Variants in ZFHX4 observed in about 807,000 individuals in gnomAD.
The protein encoded by ZFHX4 is zinc finger homeobox 4, also known as zinc finger homeobox protein 4.
Under a neutral mutation model 267.6 loss-of-function variants are expected in ZFHX4, and 56 were observed. The observed-to-expected ratio is 0.21, with a 90% CI of 0.17 to 0.26. The LOEUF (loss-of-function observed/expected upper bound fraction) is 0.26. Ranked by LOEUF, ZFHX4 falls within the 10% of genes least tolerant of loss-of-function variation. ZFHX4 has a pLI of 1.00. For synonymous variants in ZFHX4, 1,778 were observed against 1,665.6 expected (o/e 1.07, Z -1.64); for missense variants, 4,332 against 4,420.0 (o/e 0.98, Z 0.56).
At chr8:76,797,020 C>A (rs572923322) in intron 4 of ZFHX4, among the ~76,000 whole-genome samples, 1 of 152,136 alleles carries the variant, frequency 6.6e-6, no homozygotes, top group Non-Finnish European at 1.5e-5. Flanking sequence ...ATATCTAGAA[C>A]TGTTTGATGA....
At chr8:76,708,223 G>A in intron 3 of ZFHX4, 175 bp downstream of exon 3, 1 of 810,544 alleles carries the variant, frequency 1.2e-6, no homozygotes, top group South Asian at 1.8e-5. Flanking sequence ...TGGAATTGAA[G>A]GCTTTATTTA....
chr8:76,745,914 G>A (rs1353006607), intron 3 of ZFHX4, among the ~76,000 whole-genome samples: 1 of 152,186 alleles, frequency 6.6e-6, no homozygotes, highest in Non-Finnish European at 1.5e-5. Flanking sequence ...TGCTCCAAGA[G>A]TTAAAATAAG....
At chr8:76,797,676 C>T (rs1811012258) in intron 4 of ZFHX4, among the ~76,000 whole-genome samples, 1 of 152,160 alleles carries the variant, frequency 6.6e-6, no homozygotes, top group Non-Finnish European at 1.5e-5. Flanking sequence ...TTGGATGTAG[C>T]ATTACCTAAT....
chr8:76,734,563 C>T (rs2131668983), intron 3 of ZFHX4, among the ~76,000 whole-genome samples: 1 of 152,112 alleles, frequency 6.6e-6, no homozygotes, highest in Non-Finnish European at 1.5e-5. Flanking sequence ...CATTAGTCTG[C>T]TTTTGTAACT....
chr8:76,834,171 A>G (rs1293183740), intron 5 of ZFHX4: 1 of 445,850 alleles, frequency 2.2e-6, no homozygotes, highest in Non-Finnish European at 4.5e-6. Context: ...AGTTTTGGCA[A>G]TTACGAATAA....
chr8:76,776,857 G>T (rs1015629297), intron 3 of ZFHX4, among the ~76,000 whole-genome samples: 2 of 152,018 alleles, frequency 1.3e-5, no homozygotes, highest in Admixed American at 6.6e-5. Flanking sequence ...CTGTCTTTTG[G>T]TGTTTGGAAA....
At chr8:76,709,107 T>C (rs553398317) in intron 3 of ZFHX4, among the ~76,000 whole-genome samples, 1 of 152,184 alleles carries the variant, frequency 6.6e-6, no homozygotes, top group Non-Finnish European at 1.5e-5. Context: ...TATTTAAAAT[T>C]ATAACCACAC....
At chr8:76,798,876 G>A (rs771917489) in intron 4 of ZFHX4, among the ~76,000 whole-genome samples, 20 of 151,790 alleles carry the variant, frequency 1.3e-4, no homozygotes, top group Middle Eastern at 3.2e-3. Flanking sequence ...TGACTAAGAC[G>A]GTGTCATACT....
intron 4 of ZFHX4, among the ~76,000 whole-genome samples, chr8:76,819,140 AG>A (rs1333027385): frequency 1.6e-5 from 2 of 121,674 alleles, no homozygotes; most frequent in African/African-American, 3.3e-5. Flanking sequence ...GTGCTCATAA[AG>A]GTTTTTTTTT....
intron 3 of ZFHX4, among the ~76,000 whole-genome samples, chr8:76,728,922 T>C (rs1808927787): frequency 6.6e-6 from 1 of 152,198 alleles, no homozygotes; most frequent in Non-Finnish European, 1.5e-5. Flanking sequence ...TAGGAAAATG[T>C]AAGTTTTATT....
intron 4 of ZFHX4, among the ~76,000 whole-genome samples, chr8:76,801,133 A>G (rs955437977): frequency 1.3e-5 from 2 of 152,124 alleles, no homozygotes; most frequent in Non-Finnish European, 2.9e-5. Flanking sequence ...GACTGGAGAG[A>G]ATGGACATTG....
intron 1 of ZFHX4, among the ~76,000 whole-genome samples, chr8:76,685,422 G>A (rs952659514): frequency 6.6e-6 from 1 of 152,134 alleles, no homozygotes; most frequent in African/African-American, 2.4e-5. Flanking sequence ...TTCATAGACC[G>A]TTTTAGGATT....
chr8:76,802,313 G>A (rs192195618), intron 4 of ZFHX4, among the ~76,000 whole-genome samples: 114 of 152,226 alleles, frequency 7.5e-4, no homozygotes, highest in African/African-American at 2.4e-3. Context: ...TCAATACACC[G>A]TATAAAGAGA....
chr8:76,766,452 T>C (rs1031846874), intron 3 of ZFHX4, among the ~76,000 whole-genome samples: 2 of 152,134 alleles, frequency 1.3e-5, no homozygotes, highest in Non-Finnish European at 2.9e-5. Context: ...AATTTTTATC[T>C]CACATGTAAC....
chr8:76,733,519 G>A (rs1809076564), intron 3 of ZFHX4: 1 of 152,068 alleles, frequency 6.6e-6, no homozygotes, highest in Non-Finnish European at 1.5e-5. Flanking sequence ...ATTTAATAAC[G>A]GATGTTAAAG....
At chr8:76,843,586 A>T (rs1399852635) in intron 6 of ZFHX4, among the ~76,000 whole-genome samples, 2 of 152,200 alleles carry the variant, frequency 1.3e-5, no homozygotes, top group African/African-American at 2.4e-5. Flanking sequence ...TATGGTTGCA[A>T]TGAATATTAC....
At chr8:76,714,469 C>T (rs1396267743) in intron 3 of ZFHX4, among the ~76,000 whole-genome samples, 1 of 152,154 alleles carries the variant, frequency 6.6e-6, no homozygotes, top group East Asian at 1.9e-4. Context: ...CCCAAATTAT[C>T]AGCCTATTCC....
chr8:76,824,763 A>G (rs1811741326), intron 4 of ZFHX4, among the ~76,000 whole-genome samples: 1 of 152,028 alleles, frequency 6.6e-6, no homozygotes, highest in African/African-American at 2.4e-5. Flanking sequence ...TTGTAGAGAC[A>G]GGGTCTCCCT....
intron 4 of ZFHX4, among the ~76,000 whole-genome samples, chr8:76,794,413 A>G (rs908480203): frequency 9.2e-5 from 14 of 152,190 alleles, no homozygotes; most frequent in African/African-American, 3.1e-4. Context: ...AGAGGTTCAC[A>G]TATACAGAAT....
Sources: gnomAD v4.1 joint callset for allele counts (sites outside exome capture counted in the v4.1 genomes callset) on GRCh38, gnomAD v4.1.1 for gene constraint, MANE v1.5 for transcripts, NCBI Gene and HGNC (gene_info 2026-07-23, HGNC 2026-07-21) for gene names.